PPP2R2D: variants seen among roughly 807,000 people sequenced by gnomAD.
PPP2R2D encodes the protein serine/threonine-protein phosphatase 2A 55 kDa regulatory subunit B delta isoform.
A neutral mutation model predicts 31.1 loss-of-function variants in PPP2R2D; 9 were observed. The observed-to-expected ratio is 0.29, with a 90% CI of 0.17 to 0.51. The LOEUF is 0.51. PPP2R2D is among the 20% of genes least tolerant of loss of function. The pLI, the probability that PPP2R2D is intolerant of heterozygous loss-of-function variation, is 0.98. For missense variants in PPP2R2D, 391 were observed against 465.6 expected, an observed-to-expected ratio of 0.84 and a Z score of 1.48; for synonymous variants, 179 against 172.6, an observed-to-expected ratio of 1.04 and a Z score of -0.29.
chr10:131,934,435 T>C, intron 2 of PPP2R2D, 23 bp from the exon 3 acceptor site: 1 of 762,942 alleles, frequency 1.3e-6, no homozygotes, highest in East Asian at 2.4e-5. Context: ...ATCCGGTAAA[T>C]CGCTTCTGTA....
chr10:131,940,441 A>T, intron 4 of PPP2R2D, 141 bp from the exon 5 acceptor site: 6 of 604,824 alleles, frequency 9.9e-6, no homozygotes, highest in Non-Finnish European at 1.8e-5. Context: ...AACACCTCCA[A>T]TTGGAAATAT....
chr10:131,933,739 C>G (rs1260480496), intron 2 of PPP2R2D, among the ~76,000 whole-genome samples: 2 of 152,082 alleles, frequency 1.3e-5, no homozygotes, highest in African/African-American at 2.4e-5. Flanking sequence ...AATCCAGACA[C>G]TCCCTTCCCA....
Position 131,945,419 on chromosome 10 carries a change from T to G in PPP2R2D, c.780T>G (p.Cys260Trp). 6.2e-7 allele frequency: 1 copy of G among 1,614,116 alleles called. No individual in the cohort carries two copies. The change falls in exon 7 of 9, where the codon TGT becomes TGG. Residue 260 changes from cysteine (C) to tryptophan (W), a missense_variant. Physicochemically the swap from Cys to Trp is radical, Grantham distance 215. Coordinates refer to ENST00000455566, the MANE Select transcript of PPP2R2D (RefSeq NM_018461.5). This position sits in a 1 kb window ranked among gnomAD's most constrained non-coding sequence, Gnocchi z 4.8. ...YSSSKGTIRL[C>W]DMRSSALCDR... ...GTAGCAAAGGGACCATCCGCCTGTG[T>G]GACATGCGCTCCTCGGCCCTGTGCG... is the stretch of plus-strand genomic sequence containing the variant.
rs1246959357 is a variant in PPP2R2D, at chr10:131,932,673, C to CAA, written c.101-1778_101-1777dup. 6.5e-4 allele frequency among the ~76,000 whole-genome samples: 73 copies of CAA among 112,856 alleles called. 1 individual carries two copies. The highest frequency in any genetic ancestry group is 4.2e-3 in the South Asian group (16 of 3,828). 74.0% of individuals were successfully genotyped at this position (112,856 alleles called of 152,430 possible). ...AAAAAAAAAAAAAAAAAAAAACACA[C>CAA]AAAAAAAACCTAACTTGGTGCCTTT... On this transcript the variant is annotated intron_variant, in intron 2 of 8. Transcript: ENST00000455566.
chr10:131,930,782 C>T (rs1383976842), intron 2 of PPP2R2D, among the ~76,000 whole-genome samples: 1 of 152,204 alleles, frequency 6.6e-6, no homozygotes, highest in East Asian at 1.9e-4. Context: ...GGAACGGGGC[C>T]TTGGATGCTT....
At position 131,907,773 on chromosome 10, in the gene PPP2R2D, A is replaced by G. The variant is rs985566653; in HGVS notation, c.100+6443A>G. Among the ~76,000 whole-genome samples the G allele has an allele frequency of 3.5e-3, 529 of 152,112 alleles. 5 individuals carry two copies. Among genetic ancestry groups the G allele is most frequent in the African/African-American group, 0.012 (503 of 41,506 alleles). ...AAAAAAAAAAAAGATTCACAGACTC[A>G]TCATGCTTAGTACAGCCACATCTTA... is the stretch of plus-strand genomic sequence containing the variant. On this transcript the variant is annotated intron_variant, in intron 2 of 8. Coordinates refer to ENST00000455566, the MANE Select transcript of PPP2R2D (RefSeq NM_018461.5).
chr10:131,930,096 T>C (rs1011740934), intron 2 of PPP2R2D, among the ~76,000 whole-genome samples: 4 of 152,262 alleles, frequency 2.6e-5, no homozygotes, highest in African/African-American at 4.8e-5. Flanking sequence ...TTACATAGTA[T>C]TCCGTTAACA....
At chr10:131,938,967 G>A (rs913646968) in intron 3 of PPP2R2D, among the ~76,000 whole-genome samples, 4 of 152,224 alleles carry the variant, frequency 2.6e-5, no homozygotes, top group African/African-American at 7.2e-5. Context: ...TAGCTCATGC[G>A]GCCTTTTCAC....
chr10:131,938,299 C>T lies in PPP2R2D; in HGVS notation c.199-1732C>T, dbSNP rs192321050. ...TTAGCATATGTACTAAAGTGTTAAA[C>T]ACCTAAGATATTAGATATTGGTTAT... On this transcript the variant is annotated intron_variant, in intron 3 of 8. Transcript: ENST00000455566. 3.3e-5 allele frequency among the ~76,000 whole-genome samples: 5 copies of T among 152,336 alleles called. No homozygotes were observed. The East Asian group carries it at 9.6e-4, about 29-fold the overall frequency.
Position 131,956,399 on chromosome 10 carries a change from G to A in PPP2R2D, c.*436G>A. The A allele has an allele frequency of 3.0e-6, 3 of 986,020 alleles. No homozygotes were observed. Among genetic ancestry groups the A allele is most frequent in the Non-Finnish European group, 3.6e-6 (3 of 830,422 alleles). 61.1% of individuals were successfully genotyped at this position (986,020 alleles called of 1,614,324 possible). A position where few individuals can be genotyped will look rare whatever the true frequency, so the allele number is the denominator to read the frequency against. On this transcript the variant is annotated 3_prime_UTR_variant, in exon 9 of 9. Coordinates refer to ENST00000455566, the MANE Select transcript of PPP2R2D (RefSeq NM_018461.5). Reference sequence around the variant, plus strand: ...TGTGGCCACCGTCCGTGTCCTCTCGGCCTTCCTCCGAGTCCAGGTGGACTC... The same window carrying A: ...TGTGGCCACCGTCCGTGTCCTCTCGACCTTCCTCCGAGTCCAGGTGGACTC...
chr10:131,941,438 CCAG>C (rs1217458005), intron 5 of PPP2R2D, among the ~76,000 whole-genome samples: 14 of 152,164 alleles, frequency 9.2e-5, no homozygotes, highest in African/African-American at 2.9e-4. Flanking sequence ...TGGTGAGAAA[CCAG>C]CACCTGTGCA....
intron 2 of PPP2R2D, among the ~76,000 whole-genome samples, chr10:131,933,574 G>A (rs567320530): frequency 9.9e-5 from 15 of 152,204 alleles, no homozygotes; most frequent in Admixed American, 3.3e-4. Flanking sequence ...GGGAGGCCAC[G>A]CCAGGCCTTA....
At chr10:131,918,791 G>T (rs1279610200) in intron 2 of PPP2R2D, among the ~76,000 whole-genome samples, 6 of 147,654 alleles carry the variant, frequency 4.1e-5, no homozygotes, top group African/African-American at 1.3e-4. Context: ...TGTTTGTAGG[G>T]ACCTCACGCG....
At chr10:131,952,579 C>T (rs1207853957) in intron 8 of PPP2R2D, among the ~76,000 whole-genome samples, 8 of 47,330 alleles carry the variant, frequency 1.7e-4, no homozygotes, top group African/African-American at 6.5e-4. Context: ...TAGTGACTTG[C>T]GGGTGTGCGG....
At chr10:131,948,153 T>C (rs2036575584) in intron 8 of PPP2R2D, among the ~76,000 whole-genome samples, 1 of 152,206 alleles carries the variant, frequency 6.6e-6, no homozygotes, top group Admixed American at 6.5e-5. Context: ...CGCGTTGCAG[T>C]CTGCCTTTCC....
the PPP2R2D span, chr10:131,970,747 T>C: frequency 6.2e-7 from 1 of 1,614,222 alleles, no homozygotes; most frequent in Non-Finnish European, 8.5e-7. This position sits in a 1 kb window ranked among gnomAD's most constrained non-coding sequence, Gnocchi z 4.1. Context: ...TTCCTCATGC[T>C]GAGGGTGGCC....
chr10:131,909,442 G>T (rs1270163574), intron 2 of PPP2R2D, among the ~76,000 whole-genome samples: 1 of 152,210 alleles, frequency 6.6e-6, no homozygotes, highest in Non-Finnish European at 1.5e-5. Context: ...GGGAAAATGG[G>T]CTTACTCTAG....
At chr10:131,970,898 C>G in the PPP2R2D span, 4 of 1,614,256 alleles carry the variant, frequency 2.5e-6, no homozygotes, top group Non-Finnish European at 3.4e-6. This position sits in a 1 kb window ranked among gnomAD's most constrained non-coding sequence, Gnocchi z 4.1. Flanking sequence ...CTTGACCAAT[C>G]CCATATCCAA....
chr10:131,921,917 A>G (rs983472202), intron 2 of PPP2R2D, among the ~76,000 whole-genome samples: 5 of 152,198 alleles, frequency 3.3e-5, no homozygotes, highest in African/African-American at 9.7e-5. Flanking sequence ...AGTTTGCTTA[A>G]TATGTTTGAG....
Sources: gnomAD v4.1 joint callset for allele counts (sites outside exome capture counted in the v4.1 genomes callset) on GRCh38, gnomAD v4.1.1 for gene constraint, Gnocchi (gnomAD v3.1) non-coding constraint, MANE v1.5 for transcripts, NCBI Gene and HGNC (gene_info 2026-07-23, HGNC 2026-07-21) for gene names.